The following ERAP1 variants were observed in gnomAD, a reference collection of about 807,000 sequenced individuals.
ERAP1 encodes the protein adipocyte-derived leucine aminopeptidase.
In ERAP1, 86 loss-of-function variants were observed where a neutral mutation model predicts 103.7. The observed-to-expected ratio is 0.83, with a 90% CI of 0.70 to 0.99. The LOEUF is 0.99. Among genes scored for constraint, ERAP1 ranks in the 50% least tolerant of loss-of-function variants. The pLI, the probability that ERAP1 is intolerant of heterozygous loss-of-function variation, is 0.00. For synonymous variants in ERAP1, 398 were observed against 402.4 expected (o/e 0.99, Z 0.13); for missense variants, 1,009 against 1,128.4 (o/e 0.89, Z 1.52).
chr5:96,902,142 A>T, the ERAP1 span: 1 of 594,902 alleles, frequency 1.7e-6, no homozygotes, highest in South Asian at 2.4e-5. Flanking sequence ...TATAAAATTT[A>T]TAAGACCACT....
At chr5:96,812,207 C>T (rs1487005340), upstream of ERAP1, among the ~76,000 whole-genome samples, 2 of 152,172 alleles carry the variant, frequency 1.3e-5, no homozygotes, top group Non-Finnish European at 2.9e-5. Flanking sequence ...ATCTATGACA[C>T]ACAAGAGAAA....
chr5:96,816,281 A>G, the ERAP1 span, among the ~76,000 whole-genome samples: 10 of 152,216 alleles, frequency 6.6e-5, no homozygotes, highest in Non-Finnish European at 2.9e-5. Context: ...AAAATTGCAC[A>G]CTTGAAAATT....
chr5:96,792,167 A>C lies in ERAP1; in HGVS notation c.1214T>G (p.Phe405Cys). ...TAAAGCATCTACCTCCATTGCGTCA[A>C]AACATTTGCCAAAGAAATAATCTCC... ...KVGDYFFGKC[F>C]DAMEVDALNS... The change falls in exon 8 of 19, where the codon TTT (phenylalanine) becomes TGT (cysteine). Residue 405 changes from phenylalanine (F) to cysteine (C), a missense_variant. Phe to Cys is a radical substitution (Grantham distance 205). Coordinates refer to ENST00000443439, the MANE Select transcript of ERAP1 (RefSeq NM_001040458.3). The C allele has an allele frequency of 1.2e-6, 2 of 1,613,806 alleles. No homozygotes were observed. The highest frequency in any genetic ancestry group is 1.7e-6 in the Non-Finnish European group (2 of 1,179,640).
chr5:96,830,495 A>G, the ERAP1 span, among the ~76,000 whole-genome samples: 108,057 of 152,160 alleles, frequency 0.71, 39,354 homozygotes, highest in Non-Finnish European at 0.79. Context: ...ATGTTCATCA[A>G]CAAGATGGAA....
At chr5:96,783,624 C>A (rs11748519) in intron 14 of ERAP1, among the ~76,000 whole-genome samples, 13,936 of 152,044 alleles carry the variant, frequency 0.092, 843 homozygotes, top group Middle Eastern at 0.16. Context: ...AAAATCTGAA[C>A]GTCAGCCATT....
At chr5:96,885,005 A>C in the ERAP1 span, among the ~76,000 whole-genome samples, 2 of 152,106 alleles carry the variant, frequency 1.3e-5, no homozygotes, top group African/African-American at 4.8e-5. Context: ...CTAATACCCC[A>C]TACACGTCTA....
At chr5:96,879,476 A>T in the ERAP1 span, 1 of 495,830 alleles carries the variant, frequency 2.0e-6, no homozygotes, top group Non-Finnish European at 3.6e-6. Flanking sequence ...ATTTTCCCTT[A>T]CTCACACATA....
At chr5:96,928,170 T>C in the ERAP1 span, among the ~76,000 whole-genome samples, 1 of 152,118 alleles carries the variant, frequency 6.6e-6, no homozygotes, top group East Asian at 1.9e-4. Flanking sequence ...ATTATAGACA[T>C]GAACCACCAC....
rs540769194 is a variant in ERAP1, at chr5:96,799,348, A to G, written c.663+1514T>C. ...ACCCCATTGTTCTCCCCTCAGCTCA[A>G]TATCTGCAGCCTGAGGTCAGGCTAC... On this transcript the variant is annotated intron_variant, in intron 3 of 18. Transcript: ENST00000443439. Among the ~76,000 whole-genome samples, 177 of 152,224 alleles carry G rather than the reference A, an allele frequency of 1.2e-3. 1 individual carries two copies. Among genetic ancestry groups the G allele is most frequent in the African/African-American group, 4.1e-3 (172 of 41,522 alleles).
At chr5:96,914,123 C>T in the ERAP1 span, among the ~76,000 whole-genome samples, 1 of 127,292 alleles carries the variant, frequency 7.9e-6, no homozygotes, top group Admixed American at 8.7e-5. Flanking sequence ...GACAGCATTG[C>T]TTTCTGTCTC....
the ERAP1 span, among the ~76,000 whole-genome samples, chr5:96,826,037 C>T: frequency 2.6e-4 from 40 of 152,222 alleles, no homozygotes; most frequent in Non-Finnish European, 4.1e-4. Flanking sequence ...GCTTATTCTG[C>T]ACCACCAGTC....
the ERAP1 span, among the ~76,000 whole-genome samples, chr5:96,858,292 C>G: frequency 6.6e-6 from 1 of 150,764 alleles, no homozygotes; most frequent in South Asian, 2.1e-4. Flanking sequence ...TTGGCTCACT[C>G]CAACCTCCGC....
At chr5:96,909,787 C>A in the ERAP1 span, 1 of 1,604,826 alleles carries the variant, frequency 6.2e-7, no homozygotes, top group Non-Finnish European at 8.5e-7. Context: ...TTCTGTCCTA[C>A]CCTTTGTTCT....
In ERAP1 at chr5:96,775,112, A is replaced by AGAAGT; in HGVS notation, c.*1283_*1284insACTTC. On this transcript the variant is annotated 3_prime_UTR_variant, in exon 19 of 19. Transcript: ENST00000443439. Reference sequence around the variant, plus strand: ...CCCTGTGTAGCAAGTTTTCAGAATAAGAAATAAAATCTAATTCTTAGGGTA... The same window carrying AGAAGT: ...CCCTGTGTAGCAAGTTTTCAGAATAAGAAGTGAAATAAAATCTAATTCTTAGGGTA... 1 of 985,578 alleles carries AGAAGT rather than the reference A, an allele frequency of 1.0e-6. No individual in the cohort carries two copies. Among genetic ancestry groups the AGAAGT allele is most frequent in the South Asian group, 4.7e-5 (1 of 21,290 alleles). 61.1% of individuals were successfully genotyped at this position (985,578 alleles called of 1,614,324 possible). A position where few individuals can be genotyped will look rare whatever the true frequency, so the allele number is the denominator to read the frequency against.
chr5:96,889,267 A>G, the ERAP1 span: 2 of 1,613,860 alleles, frequency 1.2e-6, no homozygotes, highest in African/African-American at 2.7e-5. Context: ...GATTTTTATG[A>G]AAAGTACTTT....
the ERAP1 span, among the ~76,000 whole-genome samples, chr5:96,824,289 A>C: frequency 0.9 from 136,562 of 152,200 alleles, 61,794 homozygotes; most frequent in Middle Eastern, 0.93. Context: ...TCCTCTGGCA[A>C]TCCACTGGCA....
intron 3 of ERAP1, among the ~76,000 whole-genome samples, chr5:96,798,410 A>G (rs26491): frequency 0.73 from 110,607 of 150,744 alleles, 40,974 homozygotes; most frequent in Non-Finnish European, 0.79. Context: ...GGTGGGGTAT[A>G]GTTGATGGAG....
At chr5:96,877,441 T>C in the ERAP1 span, among the ~76,000 whole-genome samples, 2 of 152,224 alleles carry the variant, frequency 1.3e-5, no homozygotes, top group Non-Finnish European at 2.9e-5. Flanking sequence ...TCCTTCATTT[T>C]GGCCATTGAA....
At chr5:96,883,293 C>T in the ERAP1 span, among the ~76,000 whole-genome samples, 1 of 152,174 alleles carries the variant, frequency 6.6e-6, no homozygotes, top group African/African-American at 2.4e-5. Context: ...CACTCCCTTA[C>T]CTGTTTCTCC....
Sources: allele counts gnomAD v4.1 joint callset (sites outside exome capture counted in the v4.1 genomes callset), GRCh38; gene constraint gnomAD v4.1.1; transcripts MANE v1.5; gene names NCBI Gene and HGNC (gene_info 2026-07-23, HGNC 2026-07-21).